Variants in CALD1 observed in about 807,000 individuals in gnomAD.
CALD1 encodes caldesmon 1, also known as caldesmon.
Under a neutral mutation model 99.9 loss-of-function variants are expected in CALD1, and 33 were observed. The ratio of observed to expected loss-of-function variants is 0.33; its 90% CI spans 0.25 to 0.44. The LOEUF is 0.44. Ranked by LOEUF, CALD1 falls within the 20% of genes least tolerant of loss-of-function variation. The probability of loss-of-function intolerance (pLI) is 1.00; values close to 1 mark genes in which losing one functional copy is unlikely to be tolerated. For synonymous variants in CALD1, 310 were observed against 325.0 expected (o/e 0.95, Z 0.50); for missense variants, 861 against 962.1 (o/e 0.89, Z 1.39).
Position 134,935,775 on chromosome 7 carries a change from A to T in CALD1, c.1386+10A>T. 1.9e-6 allele frequency: 3 copies of T among 1,575,756 alleles called. No homozygotes were observed. Among genetic ancestry groups the T allele is most frequent in the Non-Finnish European group, 2.6e-6 (3 of 1,163,206 alleles). On this transcript the variant is annotated intron_variant, in intron 6 of 14. Transcript: ENST00000361675. Reference sequence around the variant, plus strand: ...CTTCAAAAAAGAAGAGGTAAATATGATTGAAAAGTAATGATCGTAAAGCAA... The same window carrying T: ...CTTCAAAAAAGAAGAGGTAAATATGTTTGAAAAGTAATGATCGTAAAGCAA...
rs34026828 is a variant in CALD1 at position 134,767,195 on chromosome 7, CTGTGTG to C, written c.-130+22857_-130+22862del. Among the ~76,000 whole-genome samples, 437 of 148,888 alleles carry C rather than the reference CTGTGTG, an allele frequency of 2.9e-3. 7 individuals are homozygous for C. Among genetic ancestry groups the C allele is most frequent in the African/African-American group, 7.6e-3 (307 of 40,532 alleles). On this transcript the variant is annotated intron_variant, in intron 1 of 13. Transcript: ENST00000417172. ...ACACACACTCTCTCTCTCTCTGTCT[CTGTGTG>C]TGTGTGTGTGTGTGTGTGTGTGTGC...
chr7:134,927,551 CAAAAAAAA>C (rs58182455), intron 3 of CALD1, among the ~76,000 whole-genome samples: 1 of 40,382 alleles, frequency 2.5e-5, no homozygotes, highest in Non-Finnish European at 4.1e-5. Context: ...GACTGTGTCT[CAAAAAAAA>C]AAAAAAAAAA....
At chr7:134,899,379 T>A (rs1260772867) in intron 3 of CALD1, among the ~76,000 whole-genome samples, 1 of 152,052 alleles carries the variant, frequency 6.6e-6, no homozygotes, top group African/African-American at 2.4e-5. Flanking sequence ...AATTTTCCAT[T>A]TTTAGTAGAG....
chr7:134,930,613 G>T (rs765422944), intron 4 of CALD1, among the ~76,000 whole-genome samples: 5 of 152,110 alleles, frequency 3.3e-5, no homozygotes, highest in Non-Finnish European at 7.4e-5. Flanking sequence ...TTCTAATTGG[G>T]GAGTAGGTAT....
At chr7:134,862,461 C>T (rs1239934020) in intron 2 of CALD1, among the ~76,000 whole-genome samples, 2 of 152,034 alleles carry the variant, frequency 1.3e-5, no homozygotes, top group Non-Finnish European at 2.9e-5. Flanking sequence ...ATAAGCCAAT[C>T]AGAAAAGGCT....
chr7:134,790,792 C>G (rs1003746450), intron 1 of CALD1, among the ~76,000 whole-genome samples: 2 of 152,214 alleles, frequency 1.3e-5, no homozygotes, highest in Non-Finnish European at 2.9e-5. Context: ...CTCCCTGACT[C>G]AACGGGAGAT....
intron 2 of CALD1, among the ~76,000 whole-genome samples, chr7:134,855,324 C>G (rs77241679): frequency 6.6e-6 from 1 of 152,020 alleles, no homozygotes; most frequent in Non-Finnish European, 1.5e-5. Context: ...TTGAGGGGTA[C>G]GAAGGTGGAT....
At position 134,947,650 on chromosome 7, in the gene CALD1, C is replaced by A. The variant is rs1807003315; in HGVS notation, c.1675C>A (p.Gln559Lys). ...EEFEKLKQKQ[Q>K]EAALELEELK... is the part of the protein sequence containing the mutation. The stretch of plus-strand genomic sequence containing the variant: ...GTTCGAGAAGCTCAAACAGAAGCAG[C>A]AGGAGGCGGCTTTGGAGCTGGAGGA... Residue 559 changes from glutamine to lysine, a missense_variant, in exon 8 of 15, where the codon CAG becomes AAG. Coordinates refer to ENST00000361675, the MANE Select transcript of CALD1 (RefSeq NM_033138.4). 6.3e-7 allele frequency: 1 copy of A among 1,580,162 alleles called. No individual in the cohort carries two copies.
chr7:134,748,057 G>A (rs1182302655), intron 1 of CALD1, among the ~76,000 whole-genome samples: 1 of 152,258 alleles, frequency 6.6e-6, no homozygotes, highest in African/African-American at 2.4e-5. Context: ...CCATCCCAGT[G>A]GGTCTGCAAG....
intron 2 of CALD1, among the ~76,000 whole-genome samples, chr7:134,863,872 T>C (rs1800674743): frequency 6.6e-6 from 1 of 152,134 alleles, no homozygotes; most frequent in Non-Finnish European, 1.5e-5. Flanking sequence ...AGAAAATTTT[T>C]TTTAATGTCA....
intron 1 of CALD1, among the ~76,000 whole-genome samples, chr7:134,837,592 C>T (rs1799496237): frequency 6.6e-6 from 1 of 152,190 alleles, no homozygotes; most frequent in Non-Finnish European, 1.5e-5. Flanking sequence ...TGTGATCTGC[C>T]TGCCTCGGCC....
the CALD1 span, among the ~76,000 whole-genome samples, chr7:134,720,661 AAAAC>A: frequency 1.3e-5 from 2 of 152,218 alleles, no homozygotes; most frequent in Admixed American, 6.5e-5. Flanking sequence ...GTCCTAAAGG[AAAAC>A]AAACGCTTAA....
intron 1 of CALD1, among the ~76,000 whole-genome samples, chr7:134,842,050 T>A (rs1799672875): frequency 6.6e-6 from 1 of 152,230 alleles, no homozygotes; most frequent in African/African-American, 2.4e-5. Context: ...TGCTGTTTTT[T>A]ATTTGCTCAC....
At chr7:134,745,041 G>C (rs1796623229) in intron 1 of CALD1, among the ~76,000 whole-genome samples, 2 of 152,076 alleles carry the variant, frequency 1.3e-5, no homozygotes, top group Admixed American at 1.3e-4. Flanking sequence ...ATTTCACTTT[G>C]TACCTCCACA....
chr7:134,874,365 GA>G (rs1483443993), intron 3 of CALD1, among the ~76,000 whole-genome samples: 4 of 152,028 alleles, frequency 2.6e-5, no homozygotes, highest in Non-Finnish European at 5.9e-5. Flanking sequence ...ATTAATTAGA[GA>G]GGAGGTTTCA....
In CALD1 at chr7:134,908,632, T is replaced by A. The variant is rs978984985; in HGVS notation, c.72-20122T>A. On this transcript the variant is annotated intron_variant, in intron 3 of 14. Coordinates refer to ENST00000361675, the MANE Select transcript of CALD1 (RefSeq NM_033138.4). ...CGAGCAGGATTCTGGTTTAATTGAT[T>A]TGGGGCATGGCCTGGGCATCAGGAT... Among the ~76,000 whole-genome samples the A allele has an allele frequency of 3.2e-4, 49 of 152,156 alleles. 1 individual carries two copies. The highest frequency in any genetic ancestry group is 3.2e-3 in the Admixed American group (49 of 15,270).
At chr7:134,788,318 A>T (rs1797385236) in intron 1 of CALD1, among the ~76,000 whole-genome samples, 1 of 152,176 alleles carries the variant, frequency 6.6e-6, no homozygotes, top group African/African-American at 2.4e-5. Context: ...CCAATTCTTC[A>T]TTCAGTGATG....
chr7:134,723,278 C>G, the CALD1 span, among the ~76,000 whole-genome samples: 1 of 152,184 alleles, frequency 6.6e-6, no homozygotes, highest in East Asian at 1.9e-4. Context: ...TCTGCAGTTT[C>G]TGCATCTTGG....
In CALD1 at chr7:134,960,612, C is replaced by T. The variant is rs1370837566; in HGVS notation, c.2279C>T (p.Pro760Leu). Residue 760 changes from proline to leucine, a missense_variant, in exon 13 of 15, where the codon CCT (proline) becomes CTT (leucine). Around this residue, in one of 5 missense-constraint regions of CALD1, gnomAD observed 190 missense variants for 249.0 expected, o/e 0.76. Coordinates refer to ENST00000361675, the MANE Select transcript of CALD1 (RefSeq NM_033138.4). ...LTKTPDGNKS[P>L]APKPSDLRPG... is the part of the protein sequence containing the mutation. ...AAAACCCCAGATGGAAACAAGTCAC[C>T]TGCTCCCAAACCTTCTGTAAGTACC... is the stretch of plus-strand genomic sequence containing the variant. 1 of 1,609,618 alleles carries T rather than the reference C, an allele frequency of 6.2e-7. No individual in the cohort carries two copies. Among genetic ancestry groups the T allele is most frequent in the Non-Finnish European group, 8.5e-7 (1 of 1,175,956 alleles).
Sources: allele counts gnomAD v4.1 joint callset (sites outside exome capture counted in the v4.1 genomes callset), GRCh38; gene constraint gnomAD v4.1.1; regional missense constraint gnomAD v4.1.1; transcripts MANE v1.5; gene names NCBI Gene and HGNC (gene_info 2026-07-23, HGNC 2026-07-21).